TACC2: variants seen among roughly 807,000 people sequenced by gnomAD.
The protein encoded by TACC2 is transforming acidic coiled-coil containing protein 2.
In TACC2, 137 loss-of-function variants were observed where a neutral mutation model predicts 227.3. The ratio of observed to expected loss-of-function variants is 0.60; its 90% CI spans 0.52 to 0.69. The LOEUF is 0.69. Ranked by LOEUF, TACC2 falls within the 30% of genes least tolerant of loss-of-function variation. TACC2 has a pLI of 0.00. For missense variants in TACC2, 3,470 were observed against 3,694.4 expected (o/e 0.94, Z 1.57); for synonymous variants, 1,523 against 1,487.5 (o/e 1.02, Z -0.55).
chr10:122,067,460 G>C (rs182902502), intron 3 of TACC2, among the ~76,000 whole-genome samples: 2 of 148,414 alleles, frequency 1.3e-5, no homozygotes, highest in East Asian at 3.9e-4. Flanking sequence ...GTTTGAAGCA[G>C]TTTGGTTACG....
intron 5 of TACC2, among the ~76,000 whole-genome samples, chr10:122,089,160 T>C (rs559836785): frequency 1.3e-5 from 2 of 152,274 alleles, no homozygotes; most frequent in African/African-American, 4.8e-5. Context: ...ATATACCACA[T>C]AATTCACTCA....
intron 3 of TACC2, among the ~76,000 whole-genome samples, chr10:122,072,371 C>T (rs986702375): frequency 3.9e-5 from 6 of 152,162 alleles, no homozygotes; most frequent in Non-Finnish European, 8.8e-5. Flanking sequence ...ATGAGCACAG[C>T]GAAGATAAAA....
chr10:122,110,547 G>C (rs1214803271), intron 5 of TACC2, among the ~76,000 whole-genome samples: 1 of 152,174 alleles, frequency 6.6e-6, no homozygotes, highest in African/African-American at 2.4e-5. Flanking sequence ...ATGGGACTAT[G>C]GCTGTGTCCG....
At chr10:122,174,343 T>C (rs149794151) in intron 7 of TACC2, among the ~76,000 whole-genome samples, 209 of 152,310 alleles carry the variant, frequency 1.4e-3, no homozygotes, top group African/African-American at 4.7e-3. Flanking sequence ...AAATAGCTAG[T>C]GGGCAATGGC....
At chr10:122,227,336 G>T (rs1429294416) in intron 13 of TACC2, among the ~76,000 whole-genome samples, 1 of 152,212 alleles carries the variant, frequency 6.6e-6, no homozygotes, top group Non-Finnish European at 1.5e-5. Flanking sequence ...TTAAGCAGGA[G>T]TAAAAGTGCT....
intron 16 of TACC2, among the ~76,000 whole-genome samples, chr10:122,233,725 C>T (rs952363000): frequency 5.9e-5 from 9 of 152,152 alleles, no homozygotes; most frequent in East Asian, 1.9e-4. Flanking sequence ...GACCAGCTCG[C>T]GAGCGCCTGT....
chr10:122,203,077 C>T (rs2094932745), intron 8 of TACC2, among the ~76,000 whole-genome samples: 1 of 152,192 alleles, frequency 6.6e-6, no homozygotes, highest in African/African-American at 2.4e-5. Context: ...ACAGACATGG[C>T]AACCATCCGA....
chr10:122,026,336 A>AG (rs1958017858), intron 2 of TACC2, among the ~76,000 whole-genome samples: 1 of 144,482 alleles, frequency 6.9e-6, no homozygotes, highest in South Asian at 2.2e-4. Context: ...AAAAAAAAAA[A>AG]GTATAATTGT....
intron 3 of TACC2, among the ~76,000 whole-genome samples, chr10:122,070,213 A>C (rs997910397): frequency 2.0e-5 from 3 of 152,208 alleles, no homozygotes; most frequent in South Asian, 2.1e-4. Flanking sequence ...AATTCTCTGA[A>C]AGACTTTCAG....
chr10:122,156,613 A>G (rs1385019321), intron 7 of TACC2, among the ~76,000 whole-genome samples: 1 of 152,208 alleles, frequency 6.6e-6, no homozygotes, highest in Middle Eastern at 3.4e-3. Flanking sequence ...TTCTGTCCTC[A>G]TCCTGGCTGA....
At chr10:122,004,098 T>G (rs1954760355) in intron 1 of TACC2, among the ~76,000 whole-genome samples, 1 of 152,004 alleles carries the variant, frequency 6.6e-6, no homozygotes, top group Non-Finnish European at 1.5e-5. Context: ...TAAATTCTGC[T>G]AAGATGTAGG....
Position 122,237,542 on chromosome 10 carries a change from T to A in TACC2, c.8271+4T>A. ...CCTCCAGATCGCCAGAGCAGAGGTA[T>A]CGTGGCATGTGGTGTAATTACCCTC... On this transcript the variant is annotated splice_donor_region_variant and intron_variant, in intron 17 of 22. Transcript: ENST00000369005. 1 of 1,610,036 alleles carries A rather than the reference T, an allele frequency of 6.2e-7. No individual in the cohort carries two copies. The highest frequency in any genetic ancestry group is 8.5e-7 in the Non-Finnish European group (1 of 1,177,728).
At chr10:122,162,781 C>T (rs917016142) in intron 7 of TACC2, among the ~76,000 whole-genome samples, 4 of 152,142 alleles carry the variant, frequency 2.6e-5, no homozygotes, top group African/African-American at 7.2e-5. Context: ...CACGGACATT[C>T]CTACAGGCCC....
intron 7 of TACC2, among the ~76,000 whole-genome samples, chr10:122,174,420 T>C (rs1320946570): frequency 6.6e-6 from 1 of 152,200 alleles, no homozygotes; most frequent in Non-Finnish European, 1.5e-5. Context: ...TCCATGGGCT[T>C]GAGAAGACTG....
chr10:122,083,369 G>T lies in TACC2; in HGVS notation c.869G>T (p.Arg290Ile). The T allele has an allele frequency of 6.2e-7, 1 of 1,613,956 alleles. No individual in the cohort carries two copies. Residue 290 changes from arginine (R) to isoleucine (I), a missense_variant, in exon 4 of 23, where the codon AGA (arginine) becomes ATA (isoleucine). By Grantham distance (97) the Arg-to-Ile change is moderately conservative. Transcript: ENST00000369005. ...DPAPRASDRERGQGEAPPQYL... is the reference protein window; with the variant it reads ...DPAPRASDREIGQGEAPPQYL... Reference sequence around the variant, plus strand: ...GCCCCAAGAGCCTCAGACAGAGAAAGAGGCCAAGGGGAGGCGCCGCCTCAG... The same window carrying T: ...GCCCCAAGAGCCTCAGACAGAGAAATAGGCCAAGGGGAGGCGCCGCCTCAG...
chr10:122,220,666 A>T lies in TACC2; in HGVS notation c.7546+3838A>T, dbSNP rs527260628. On this transcript the variant is annotated intron_variant, in intron 11 of 22. Transcript: ENST00000369005. ...TACACTAAAGTCACCAACCACAGGA[A>T]AAGGAAATGTTGGGTGAGAAATAAT... is the stretch of plus-strand genomic sequence containing the variant. 2.0e-5 allele frequency among the ~76,000 whole-genome samples: 3 copies of T among 152,254 alleles called. No homozygotes were observed. In the South Asian group the frequency reaches 6.2e-4, roughly 32 times the overall value.
chr10:122,241,180 G>T (rs1564815419), intron 18 of TACC2, among the ~76,000 whole-genome samples: 1 of 152,188 alleles, frequency 6.6e-6, no homozygotes, highest in Non-Finnish European at 1.5e-5. Flanking sequence ...GTTGGTTCTC[G>T]CTGAGCCACT....
At chr10:122,242,022 G>A (rs752281028) in intron 19 of TACC2, 21 bp downstream of exon 19, 1 of 1,611,882 alleles carries the variant, frequency 6.2e-7, no homozygotes, top group South Asian at 1.1e-5. Flanking sequence ...TGACCTGCGG[G>A]GGCTCAGGCC....
Position 122,018,178 on chromosome 10 carries a change from T to A in TACC2, c.-45-3759T>A, listed in dbSNP as rs191159618. On this transcript the variant is annotated intron_variant, in intron 1 of 22. Coordinates refer to ENST00000369005, the MANE Select transcript of TACC2 (RefSeq NM_206862.4). ...TGTTGTTCCCCTCTCTGTGTCCATGTGTTCTCAATGTTCAACTGCCACTTA... is the reference window on the plus strand; with the variant it reads ...TGTTGTTCCCCTCTCTGTGTCCATGAGTTCTCAATGTTCAACTGCCACTTA... Among the ~76,000 whole-genome samples, 160 of 152,246 alleles carry A rather than the reference T, an allele frequency of 1.1e-3. 1 individual carries two copies. The highest frequency in any genetic ancestry group is 3.8e-3 in the African/African-American group (158 of 41,558).
Sources: gnomAD v4.1 joint callset for allele counts (sites outside exome capture counted in the v4.1 genomes callset) on GRCh38, gnomAD v4.1.1 for gene constraint, MANE v1.5 for transcripts, NCBI Gene and HGNC (gene_info 2026-07-23, HGNC 2026-07-21) for gene names.